The following CDH13 variants were observed in gnomAD, a reference collection of about 807,000 sequenced individuals.
CDH13 encodes the protein cadherin-13.
A neutral mutation model predicts 63.8 loss-of-function variants in CDH13; 24 were observed. The ratio of observed to expected loss-of-function variants is 0.38; its 90% CI spans 0.27 to 0.53. The LOEUF is 0.53. Among genes scored for constraint, CDH13 ranks in the 20% least tolerant of loss-of-function variants. CDH13 has a pLI of 0.85. For synonymous variants in CDH13, 503 were observed against 355.3 expected, an observed-to-expected ratio of 1.42 and a Z score of -4.67; for missense variants, 1,049 against 903.1, an observed-to-expected ratio of 1.16 and a Z score of -2.07.
chr16:83,719,178 G>T (rs947553902), intron 10 of CDH13, among the ~76,000 whole-genome samples: 1 of 152,190 alleles, frequency 6.6e-6, no homozygotes, highest in African/African-American at 2.4e-5. Context: ...AAGTAGAATT[G>T]CATTGAGCAG....
intron 3 of CDH13, among the ~76,000 whole-genome samples, chr16:83,102,965 T>TTTTTCTTTTTTTTTTC (rs2034570233): frequency 9.3e-6 from 1 of 107,836 alleles, no homozygotes; most frequent in Non-Finnish European, 1.8e-5. Flanking sequence ...TTTTTTTTTT[T>TTTTTCTTTTTTTTTTC]TTTTTGAGGT....
chr16:83,218,476 G>T (rs573877024), intron 5 of CDH13, among the ~76,000 whole-genome samples: 1 of 152,298 alleles, frequency 6.6e-6, no homozygotes, highest in East Asian at 1.9e-4. Context: ...GGGGGAATCA[G>T]GTAGTTGTAT....
chr16:82,803,792 G>A (rs558135647), intron 1 of CDH13, among the ~76,000 whole-genome samples: 3 of 152,316 alleles, frequency 2.0e-5, no homozygotes, highest in Non-Finnish European at 1.5e-5. Flanking sequence ...TAGAAGCAGA[G>A]TAGAATGGTG....
intron 8 of CDH13, among the ~76,000 whole-genome samples, chr16:83,635,454 C>G (rs1389183142): frequency 6.8e-6 from 1 of 146,506 alleles, no homozygotes; most frequent in African/African-American, 2.5e-5. Flanking sequence ...AGTGATTCTC[C>G]TGCCTCAGCC....
chr16:83,039,479 T>A (rs879387457), intron 3 of CDH13, among the ~76,000 whole-genome samples: 1 of 152,228 alleles, frequency 6.6e-6, no homozygotes, highest in Non-Finnish European at 1.5e-5. Context: ...ACTCTTGGCA[T>A]CAGTGCTTTT....
At chr16:83,134,346 T>A (rs777384049) in intron 4 of CDH13, among the ~76,000 whole-genome samples, 8 of 152,080 alleles carry the variant, frequency 5.3e-5, no homozygotes, top group Non-Finnish European at 1.2e-4. Context: ...CCCGCCACCA[T>A]GCCCAGTTAA....
At chr16:83,243,486 T>C (rs1904681616) in intron 5 of CDH13, among the ~76,000 whole-genome samples, 1 of 152,122 alleles carries the variant, frequency 6.6e-6, no homozygotes, top group Non-Finnish European at 1.5e-5. Context: ...ACCTGGTCTC[T>C]CCCACAACAC....
At chr16:82,858,622 T>C in intron 2 of CDH13, 149 bp downstream of exon 2, 1 of 700,932 alleles carries the variant, frequency 1.4e-6, no homozygotes, top group South Asian at 1.6e-5. Context: ...AAGTGGAAAT[T>C]CTTGAATGAG....
rs114555758 is a variant in CDH13 at position 82,702,648 on chromosome 16, A to T, written c.45+75511A>T. On this transcript the variant is annotated intron_variant, in intron 1 of 13. Coordinates refer to ENST00000567109, the MANE Select transcript of CDH13 (RefSeq NM_001257.5). Reference sequence around the variant, plus strand: ...CTTTCCCCCACTCAAATTGTATTTTAAAAATAGTTTTATTGTAATTGTCCC... The same window carrying T: ...CTTTCCCCCACTCAAATTGTATTTTTAAAATAGTTTTATTGTAATTGTCCC... 6.1e-3 allele frequency among the ~76,000 whole-genome samples: 935 copies of T among 152,318 alleles called. 7 individuals carry two copies. Among genetic ancestry groups the T allele is most frequent in the African/African-American group, 0.02 (821 of 41,578 alleles).
chr16:82,984,800 A>G (rs974720002), intron 2 of CDH13, among the ~76,000 whole-genome samples: 3 of 152,184 alleles, frequency 2.0e-5, no homozygotes, highest in Non-Finnish European at 2.9e-5. Flanking sequence ...ATACACACAT[A>G]CTATGCTATG....
chr16:83,419,322 C>T (rs2071645548), intron 6 of CDH13, among the ~76,000 whole-genome samples: 1 of 152,102 alleles, frequency 6.6e-6, no homozygotes, highest in Non-Finnish European at 1.5e-5. Flanking sequence ...AATTGGTACT[C>T]AGAAGTGTAA....
intron 2 of CDH13, chr16:82,858,686 T>C: frequency 1.6e-6 from 1 of 611,994 alleles, no homozygotes; most frequent in African/African-American, 1.8e-5. Flanking sequence ...TTTAGTATTT[T>C]ATCATCAGTG....
chr16:83,631,116 T>C (rs1383567225), intron 8 of CDH13, among the ~76,000 whole-genome samples: 1 of 152,196 alleles, frequency 6.6e-6, no homozygotes, highest in Non-Finnish European at 1.5e-5. Flanking sequence ...TTCTAGTGAA[T>C]GTAAGAAAGG....
chr16:83,163,966 G>A (rs142747930), intron 4 of CDH13, among the ~76,000 whole-genome samples: 9 of 152,128 alleles, frequency 5.9e-5, no homozygotes, highest in African/African-American at 1.4e-4. Flanking sequence ...ACCTTACCGT[G>A]TGCTGAACAT....
At chr16:82,679,875 G>A (rs1337769930) in intron 1 of CDH13, among the ~76,000 whole-genome samples, 1 of 152,154 alleles carries the variant, frequency 6.6e-6, no homozygotes, top group African/African-American at 2.4e-5. Context: ...TTTTAAAGAA[G>A]GAACCCTATC....
In CDH13 at chr16:83,133,725, C is replaced by T. The variant is rs551248150; in HGVS notation, c.483+8224C>T. Among the ~76,000 whole-genome samples, 6 of 152,328 alleles carry T rather than the reference C, an allele frequency of 3.9e-5. No homozygotes were observed. The South Asian group carries it at 1.0e-3, about 26-fold the overall frequency. ...TATTGGTCAGGCTGGTCTCAAACTCCTGGCCTCAAGTGATCCACCTGCCTC... is the reference window on the plus strand; with the variant it reads ...TATTGGTCAGGCTGGTCTCAAACTCTTGGCCTCAAGTGATCCACCTGCCTC... On this transcript the variant is annotated intron_variant, in intron 4 of 13. Transcript: ENST00000567109.
At chr16:83,378,295 G>C (rs1386286899) in intron 6 of CDH13, among the ~76,000 whole-genome samples, 1 of 152,144 alleles carries the variant, frequency 6.6e-6, no homozygotes, top group Non-Finnish European at 1.5e-5. Context: ...GAGTGGGAGA[G>C]CTGTAACTTA....
At chr16:83,046,620 A>G (rs2151496386) in intron 3 of CDH13, among the ~76,000 whole-genome samples, 1 of 152,322 alleles carries the variant, frequency 6.6e-6, no homozygotes, top group South Asian at 2.1e-4. Flanking sequence ...GCCCACTGGG[A>G]AGGCCTTTAA....
chr16:82,857,381 A>G (rs2039745284), intron 1 of CDH13, among the ~76,000 whole-genome samples: 1 of 152,180 alleles, frequency 6.6e-6, no homozygotes, highest in Non-Finnish European at 1.5e-5. Flanking sequence ...TCTCTGTCCC[A>G]GTATGTGTGG....
Sources: allele counts gnomAD v4.1 joint callset (sites outside exome capture counted in the v4.1 genomes callset), GRCh38; gene constraint gnomAD v4.1.1; transcripts MANE v1.5; gene names NCBI Gene and HGNC (gene_info 2026-07-23, HGNC 2026-07-21).